TIAM2: variants seen among roughly 807,000 people sequenced by gnomAD.
TIAM2 encodes the protein rho guanine nucleotide exchange factor TIAM2.
In TIAM2, 80 loss-of-function variants were observed where a neutral mutation model predicts 152.9. The ratio of observed to expected loss-of-function variants is 0.52; its 90% CI spans 0.44 to 0.63. The LOEUF is 0.63. Ranked by LOEUF, TIAM2 falls within the 30% of genes least tolerant of loss-of-function variation. The pLI is 0.00. For missense variants in TIAM2, 1,965 were observed against 2,120.1 expected, an observed-to-expected ratio of 0.93 and a Z score of 1.44; for synonymous variants, 804 against 838.0, an observed-to-expected ratio of 0.96 and a Z score of 0.70.
chr6:155,145,597 T>TA (rs1415834403), intron 6 of TIAM2, among the ~76,000 whole-genome samples: 1 of 152,190 alleles, frequency 6.6e-6, no homozygotes, highest in African/African-American at 2.4e-5. Flanking sequence ...GTGTGCTTCT[T>TA]AAATGTCCCC....
At chr6:155,118,862 C>T (rs11966692) in intron 2 of TIAM2, among the ~76,000 whole-genome samples, 63,587 of 147,968 alleles carry the variant, frequency 0.43, 15,303 homozygotes, top group East Asian at 0.66. Flanking sequence ...AATGTGTGTG[C>T]TTTTTTTTTT....
intron 1 of TIAM2, among the ~76,000 whole-genome samples, chr6:155,088,651 A>G (rs994860037): frequency 3.3e-5 from 5 of 152,052 alleles, no homozygotes; most frequent in Admixed American, 1.3e-4. Flanking sequence ...GTGGTCATGG[A>G]GTGGCTGGGG....
At chr6:155,127,362 T>C (rs1353625101) in intron 2 of TIAM2, 128 bp from the exon 3 acceptor site, 2 of 338,976 alleles carry the variant, frequency 5.9e-6, no homozygotes, top group Non-Finnish European at 1.2e-5. Flanking sequence ...ACGTTTCATT[T>C]ATTACCTTGA....
intron 14 of TIAM2, among the ~76,000 whole-genome samples, chr6:155,198,694 CTT>C (rs1781409659): frequency 9.2e-6 from 1 of 109,144 alleles, no homozygotes; most frequent in Admixed American, 9.2e-5. Context: ...AAAAAAATCT[CTT>C]AATGAAAGTT....
intron 1 of TIAM2, among the ~76,000 whole-genome samples, chr6:155,071,318 G>A (rs76050641): frequency 0.038 from 5,778 of 152,328 alleles, 388 homozygotes; most frequent in African/African-American, 0.13. Context: ...GAACTTACAT[G>A]ACTTGGGATT....
intron 5 of TIAM2, among the ~76,000 whole-genome samples, chr6:155,138,320 G>T (rs1362321497): frequency 6.6e-6 from 1 of 152,184 alleles, no homozygotes; most frequent in Non-Finnish European, 1.5e-5. Flanking sequence ...GAACTCCAAA[G>T]AGGTTTTCTT....
At chr6:155,051,882 T>C (rs1777327798) in intron 1 of TIAM2, among the ~76,000 whole-genome samples, 1 of 152,156 alleles carries the variant, frequency 6.6e-6, no homozygotes, top group Admixed American at 6.6e-5. Flanking sequence ...TCAGGCTATC[T>C]GCCCGTCTAG....
In TIAM2 at chr6:155,240,512, C is replaced by T; in HGVS notation, c.3169-18C>T. 4.4e-6 allele frequency: 7 copies of T among 1,591,298 alleles called. No individual in the cohort carries two copies. Among genetic ancestry groups the T allele is most frequent in the East Asian group, 2.3e-5 (1 of 44,444 alleles). ...GGAGAGGCCCGTGCATTATTTTCCA[C>T]CTCTTGTCCTCTCTCAGAGTGCTGA... On this transcript the variant is annotated intron_variant, in intron 15 of 26. Coordinates refer to ENST00000682666, the MANE Select transcript of TIAM2 (RefSeq NM_012454.4).
At chr6:155,015,598 G>C (rs1778560595) in intron 1 of TIAM2, among the ~76,000 whole-genome samples, 1 of 152,136 alleles carries the variant, frequency 6.6e-6, no homozygotes, top group Non-Finnish European at 1.5e-5. Context: ...TCGAAAAAGA[G>C]AATTATTAAA....
intron 15 of TIAM2, among the ~76,000 whole-genome samples, chr6:155,221,506 G>A (rs1238601377): frequency 6.6e-6 from 1 of 152,138 alleles, no homozygotes; most frequent in Non-Finnish European, 1.5e-5. Context: ...TTGAAACAGC[G>A]GGTGCCATGG....
chr6:155,143,536 A>G (rs1248016606), intron 5 of TIAM2, among the ~76,000 whole-genome samples: 6 of 152,258 alleles, frequency 3.9e-5, no homozygotes, highest in Non-Finnish European at 2.9e-5. Context: ...AAAAGGAAAT[A>G]CTAAAAATTA....
intron 5 of TIAM2, among the ~76,000 whole-genome samples, chr6:155,143,169 C>T (rs1779749893): frequency 6.6e-6 from 1 of 152,136 alleles, no homozygotes; most frequent in South Asian, 2.1e-4. Flanking sequence ...GAGGTTGCCA[C>T]ATGAGAAGTG....
At chr6:155,199,481 A>G (rs1470650335) in intron 14 of TIAM2, among the ~76,000 whole-genome samples, 2 of 152,232 alleles carry the variant, frequency 1.3e-5, no homozygotes, top group Non-Finnish European at 2.9e-5. Context: ...GGTCTCAAAT[A>G]AGGTCTCAAA....
chr6:155,233,273 A>G (rs1164468895), intron 15 of TIAM2, among the ~76,000 whole-genome samples: 5 of 152,230 alleles, frequency 3.3e-5, no homozygotes, highest in Non-Finnish European at 5.9e-5. Flanking sequence ...ACAAAAGAGA[A>G]TATCAAAGTT....
At chr6:155,207,525 C>T (rs931200323) in intron 14 of TIAM2, among the ~76,000 whole-genome samples, 8 of 152,326 alleles carry the variant, frequency 5.3e-5, no homozygotes, top group South Asian at 4.1e-4. Flanking sequence ...CCTGTCTTGG[C>T]GGATCTCAGG....
intron 12 of TIAM2, among the ~76,000 whole-genome samples, chr6:155,180,802 T>C (rs1437450231): frequency 6.6e-6 from 1 of 152,010 alleles, no homozygotes; most frequent in African/African-American, 2.4e-5. Context: ...AGAGACGGGG[T>C]TTCACCATGT....
intron 9 of TIAM2, among the ~76,000 whole-genome samples, chr6:155,172,369 T>G (rs989923903): frequency 1.1e-4 from 16 of 151,932 alleles, no homozygotes; most frequent in Non-Finnish European, 1.9e-4. Context: ...CTACTCCCAG[T>G]ACAGTATAAT....
At chr6:155,098,604 C>T (rs1017265148) in intron 2 of TIAM2, among the ~76,000 whole-genome samples, 1 of 152,154 alleles carries the variant, frequency 6.6e-6, no homozygotes, top group Non-Finnish European at 1.5e-5. Context: ...AAATATAAAA[C>T]CATGTCATGT....
At chr6:154,999,470 G>A (rs1264076825) in intron 1 of TIAM2, among the ~76,000 whole-genome samples, 2 of 152,128 alleles carry the variant, frequency 1.3e-5, no homozygotes, top group African/African-American at 2.4e-5. Context: ...GACTCCCAAA[G>A]TGCTGGGATT....
Sources: allele counts gnomAD v4.1 joint callset (sites outside exome capture counted in the v4.1 genomes callset), GRCh38; gene constraint gnomAD v4.1.1; transcripts MANE v1.5; gene names NCBI Gene and HGNC (gene_info 2026-07-23, HGNC 2026-07-21).